SRGAP3: variants seen among roughly 807,000 people sequenced by gnomAD.
The protein encoded by SRGAP3 is SLIT-ROBO Rho GTPase-activating protein 3.
Under a neutral mutation model 121.1 loss-of-function variants are expected in SRGAP3, and 39 were observed. The observed-to-expected ratio is 0.32, with a 90% CI of 0.25 to 0.42. The LOEUF (loss-of-function observed/expected upper bound fraction) is 0.42, where lower values mean the gene tolerates loss of function less well. Among genes scored for constraint, SRGAP3 ranks in the 10% least tolerant of loss-of-function variants. The probability of loss-of-function intolerance (pLI) is 1.00; values close to 1 mark genes in which losing one functional copy is unlikely to be tolerated. For missense variants in SRGAP3, 1,213 were observed against 1,470.6 expected, an observed-to-expected ratio of 0.82 and a Z score of 2.86; for synonymous variants, 601 against 570.0, an observed-to-expected ratio of 1.05 and a Z score of -0.77.
upstream of SRGAP3, among the ~76,000 whole-genome samples, chr3:9,252,038 G>A (rs1512053): frequency 0.099 from 15,109 of 152,208 alleles, 861 homozygotes; most frequent in South Asian, 0.17. Context: ...CAACGTTGGA[G>A]GTGGGATCTG....
rs1353415003 is a variant in SRGAP3 at position 8,982,373 on chromosome 3, G to A, written c.*3146C>T. On this transcript the variant is annotated 3_prime_UTR_variant, in exon 22 of 22. Coordinates refer to ENST00000383836, the MANE Select transcript of SRGAP3 (RefSeq NM_014850.4). ...AAGTAGGTAAACACCACTTCCCCTT[G>A]TACAATTGGTTATATTGAAGACTAC... is the stretch of plus-strand genomic sequence containing the variant. 1 of 225,796 alleles carries A rather than the reference G, an allele frequency of 4.4e-6. No homozygotes were observed. Among genetic ancestry groups the A allele is most frequent in the Admixed American group, 5.7e-5 (1 of 17,468 alleles). The allele number at this position is 225,796 out of a possible 1,614,324, so 14.0% of individuals were successfully genotyped here.
At chr3:8,990,350 A>T (rs1051687330) in intron 21 of SRGAP3, among the ~76,000 whole-genome samples, 162 bp downstream of exon 21, 1 of 152,108 alleles carries the variant, frequency 6.6e-6, no homozygotes, top group African/African-American at 2.4e-5. Context: ...CTCCACTCCC[A>T]CGGGAAGCCC....
At chr3:9,352,271 ATTTTTT>A (rs34692815) in intron 1 of SRGAP3, among the ~76,000 whole-genome samples, 1 of 123,446 alleles carries the variant, frequency 8.1e-6, no homozygotes, top group African/African-American at 3.4e-5. Context: ...TGTTATGGAC[ATTTTTT>A]TTTTTTTTTT....
intron 3 of SRGAP3, among the ~76,000 whole-genome samples, chr3:9,092,160 T>C (rs373474443): frequency 2.6e-5 from 4 of 152,064 alleles, no homozygotes; most frequent in Admixed American, 2.6e-4. Context: ...TTTGGGACCC[T>C]GTTTATGCTG....
Position 9,153,407 on chromosome 3 carries a change from T to C in SRGAP3, c.68-28490A>G, listed in dbSNP as rs529736590. Among the ~76,000 whole-genome samples, 11 of 152,300 alleles carry C rather than the reference T, an allele frequency of 7.2e-5. No homozygotes were observed. The South Asian group carries it at 1.9e-3, about 26-fold the overall frequency. On this transcript the variant is annotated intron_variant, in intron 1 of 21. Transcript: ENST00000383836. ...TTACAGATTTATAGAGAAAAAAACC[T>C]GAGGCATACCGTCTCAGAGTCACAC...
intron 1 of SRGAP3, among the ~76,000 whole-genome samples, chr3:9,340,624 G>A (rs1955769690): frequency 1.3e-5 from 2 of 152,146 alleles, no homozygotes; most frequent in Admixed American, 1.3e-4. Flanking sequence ...AGTCATCCCA[G>A]AAGTCCATCA....
At chr3:9,096,632 G>A (rs1350609447) in intron 3 of SRGAP3, among the ~76,000 whole-genome samples, 2 of 151,720 alleles carry the variant, frequency 1.3e-5, no homozygotes, top group Non-Finnish European at 2.9e-5. Context: ...CCCTCCACAC[G>A]GCACTGGATG....
intron 1 of SRGAP3, among the ~76,000 whole-genome samples, chr3:9,355,216 C>T (rs1379601965): frequency 6.6e-6 from 1 of 152,182 alleles, no homozygotes; most frequent in Non-Finnish European, 1.5e-5. Flanking sequence ...CTTCAAAACA[C>T]CCCAGAATTT....
At chr3:8,991,298 T>G (rs1455469123) in intron 20 of SRGAP3, among the ~76,000 whole-genome samples, 1 of 152,140 alleles carries the variant, frequency 6.6e-6, no homozygotes, top group Admixed American at 6.6e-5. Flanking sequence ...GCAAGCACAG[T>G]TGGGGTCCCC....
chr3:9,124,996 G>A (rs1201279778), intron 1 of SRGAP3, 79 bp from the exon 2 acceptor site: 2 of 1,554,964 alleles, frequency 1.3e-6, no homozygotes, highest in South Asian at 1.1e-5. Flanking sequence ...GCTGGCCTGG[G>A]CCCTGCAATT....
At chr3:9,063,226 T>G (rs1007688456) in intron 5 of SRGAP3, among the ~76,000 whole-genome samples, 1 of 140,338 alleles carries the variant, frequency 7.1e-6, no homozygotes, top group East Asian at 2.3e-4. Context: ...TTGACCTCCC[T>G]CAGGTAATCC....
At chr3:9,320,392 A>G (rs1326489897) in intron 3 of SRGAP3, among the ~76,000 whole-genome samples, 1 of 151,888 alleles carries the variant, frequency 6.6e-6, no homozygotes, top group Admixed American at 6.5e-5. Context: ...TGGATTTCTC[A>G]TGAATGGTTT....
At chr3:9,168,208 C>T (rs1950860474) in intron 1 of SRGAP3, among the ~76,000 whole-genome samples, 1 of 152,202 alleles carries the variant, frequency 6.6e-6, no homozygotes, top group South Asian at 2.1e-4. Context: ...CCCAATAGCC[C>T]ATCAAAGACA....
chr3:9,323,278 T>C (rs570707219), intron 3 of SRGAP3, among the ~76,000 whole-genome samples: 24 of 151,898 alleles, frequency 1.6e-4, no homozygotes, highest in Non-Finnish European at 3.2e-4. Flanking sequence ...TGTGTATGTG[T>C]GCAATTTTAT....
At chr3:9,126,413 C>CTT (rs1401817478) in intron 1 of SRGAP3, among the ~76,000 whole-genome samples, 1 of 152,116 alleles carries the variant, frequency 6.6e-6, no homozygotes, top group Non-Finnish European at 1.5e-5. Flanking sequence ...GGGTGGATCA[C>CTT]GAGGTCAGGA....
At chr3:9,316,948 T>C (rs1437680452) in intron 3 of SRGAP3, among the ~76,000 whole-genome samples, 1 of 152,116 alleles carries the variant, frequency 6.6e-6, no homozygotes, top group East Asian at 1.9e-4. Flanking sequence ...AGGCCTATTA[T>C]TCAAGGAAAG....
intron 7 of SRGAP3, 90 bp from the exon 8 acceptor site, chr3:9,056,424 C>T: frequency 7.3e-7 from 1 of 1,366,380 alleles, no homozygotes; most frequent in Non-Finnish European, 1.0e-6. Flanking sequence ...ACATCCCAAT[C>T]ACAGTCCAGG....
chr3:9,117,679 T>C (rs1278995979), intron 2 of SRGAP3, among the ~76,000 whole-genome samples: 1 of 152,134 alleles, frequency 6.6e-6, no homozygotes, highest in Non-Finnish European at 1.5e-5. Context: ...CTGAGAAAGC[T>C]AGAATAGAAG....
chr3:9,124,973 G>C (rs943665360), intron 1 of SRGAP3, 56 bp from the exon 2 acceptor site: 46 of 1,601,870 alleles, frequency 2.9e-5, no homozygotes, highest in Non-Finnish European at 3.9e-5. Flanking sequence ...GGGGCACTGG[G>C]GCCCGCTCTG....
Sources: gnomAD v4.1 joint callset for allele counts (sites outside exome capture counted in the v4.1 genomes callset) on GRCh38, gnomAD v4.1.1 for gene constraint, MANE v1.5 for transcripts, NCBI Gene and HGNC (gene_info 2026-07-23, HGNC 2026-07-21) for gene names.